Variants in POLR2B observed in about 807,000 individuals in gnomAD.
POLR2B encodes the protein RNA polymerase II subunit B.
In POLR2B, 57 loss-of-function variants were observed where a neutral mutation model predicts 144.6. The observed-to-expected ratio is 0.39, with a 90% confidence interval of 0.32 to 0.49. The LOEUF (loss-of-function observed/expected upper bound fraction) is 0.49, where lower values mean the gene tolerates loss of function less well. POLR2B is among the 20% of genes least tolerant of loss of function. The pLI is 0.83. For synonymous variants in POLR2B, 442 were observed against 469.8 expected (o/e 0.94, Z 0.77); for missense variants, 595 against 1,467.4 (o/e 0.41, Z 9.71).
At position 57,011,053 on chromosome 4, in the gene POLR2B, A is replaced by T; in HGVS notation, c.1753A>T (p.Asn585Tyr). The T allele has an allele frequency of 6.2e-7, 1 of 1,613,996 alleles. No individual in the cohort carries two copies. Among genetic ancestry groups the T allele is most frequent in the South Asian group, 1.1e-5 (1 of 91,080 alleles). The part of the protein sequence containing the change: ...GIHKDPEQLM[N>Y]TLRKLRRQMD... Reference sequence around the variant, plus strand: ...ACATAAAGATCCCGAACAACTTATGAACACCCTAAGGAAATTGAGACGTCA... The same window carrying T: ...ACATAAAGATCCCGAACAACTTATGTACACCCTAAGGAAATTGAGACGTCA... Residue 585 changes from asparagine (N) to tyrosine (Y), a missense_variant, in exon 13 of 25, where the codon AAC becomes TAC. Asn to Tyr is a moderately radical substitution (Grantham distance 143). This residue lies in a region of POLR2B where 29 missense variants were observed against 69.3 expected (regional missense o/e 0.42). Coordinates refer to ENST00000314595, the MANE Select transcript of POLR2B (RefSeq NM_000938.3).
Position 57,015,504 on chromosome 4 carries a change from T to G in POLR2B, c.1803T>G (p.Val601=). 1 of 1,363,880 alleles carries G rather than the reference T, an allele frequency of 7.3e-7. No individual in the cohort carries two copies. The highest frequency in any genetic ancestry group is 9.6e-7 in the Non-Finnish European group (1 of 1,039,504). The allele number at this position is 1,363,880 out of a possible 1,614,324, so 84.5% of individuals were successfully genotyped here. ...CTGTTTTTTCTTTTTATATGTAGGT[T>G]TCTATGATCAGAGATATTCGAGAGA... ...RRQMDIIVSE[V]SMIRDIRERE... Residue 601 remains valine (V), a splice_region_variant and synonymous_variant, in exon 14 of 25, where the codon GTT becomes GTG. Transcript: ENST00000314595.
chr4:56,990,090 A>G (rs1022778085), intron 2 of POLR2B, among the ~76,000 whole-genome samples: 2 of 152,206 alleles, frequency 1.3e-5, no homozygotes, highest in Non-Finnish European at 2.9e-5. Flanking sequence ...TATTTTAGTC[A>G]TTAATATCAC....
chr4:57,008,784 T>C (rs1183272279), intron 10 of POLR2B, among the ~76,000 whole-genome samples: 2 of 152,170 alleles, frequency 1.3e-5, no homozygotes, highest in Non-Finnish European at 2.9e-5. Context: ...AACGCCCAAG[T>C]TGCGAGGTAG....
chr4:57,027,017 C>CA (rs1553912516), intron 23 of POLR2B, among the ~76,000 whole-genome samples: 1 of 150,258 alleles, frequency 6.7e-6, no homozygotes, highest in Non-Finnish European at 1.5e-5. Flanking sequence ...AATATTTTGG[C>CA]TTTTTTTTTG....
chr4:56,981,319 G>A (rs564087904), intron 1 of POLR2B, among the ~76,000 whole-genome samples: 2 of 151,000 alleles, frequency 1.3e-5, no homozygotes, highest in South Asian at 4.2e-4. Flanking sequence ...GTAGTCTCTT[G>A]ATGGATATTC....
Position 56,978,928 on chromosome 4 carries a change from C to T in POLR2B, c.-58C>T. ...CTTTAGCTCCTGGCGCTGCTGGCTT[C>T]TGGGCGGTTTTTGTCTTTTGATTTC... On this transcript the variant is annotated 5_prime_UTR_variant, in exon 1 of 25. Transcript: ENST00000314595. The T allele has an allele frequency of 4.5e-6, 7 of 1,562,874 alleles. No individual in the cohort carries two copies. The South Asian group carries it at 6.7e-5, about 15-fold the overall frequency.
intron 7 of POLR2B, 71 bp downstream of exon 7, chr4:56,999,852 A>G: frequency 1.9e-6 from 2 of 1,069,182 alleles, no homozygotes; most frequent in Non-Finnish European, 2.8e-6. Flanking sequence ...TGCTAACCTT[A>G]AAACATAGTA....
intron 13 of POLR2B, among the ~76,000 whole-genome samples, chr4:57,014,492 GTCTTTTTTTT>G (rs1723302151): frequency 6.8e-6 from 1 of 146,506 alleles, no homozygotes; most frequent in Admixed American, 6.9e-5. Context: ...ACCGTGCCTG[GTCTTTTTTTT>G]TCTTTTTTTT....
intron 14 of POLR2B, among the ~76,000 whole-genome samples, chr4:57,016,618 TATGA>T (rs1723375571): frequency 6.8e-6 from 1 of 146,208 alleles, no homozygotes; most frequent in Non-Finnish European, 1.5e-5. Flanking sequence ...ATGACAATAA[TATGA>T]ATAATATAAT....
chr4:57,019,552 C>T lies in POLR2B; in HGVS notation c.2324-1347C>T, dbSNP rs572231795. ...CTTTTAACATTTTACCACATTTGCTCTATTATTCTCTCCCTTTTTATTTCT... is the reference window on the plus strand; with the variant it reads ...CTTTTAACATTTTACCACATTTGCTTTATTATTCTCTCCCTTTTTATTTCT... On this transcript the variant is annotated intron_variant, in intron 16 of 24. Transcript: ENST00000314595. Among the ~76,000 whole-genome samples, 6 of 152,214 alleles carry T rather than the reference C, an allele frequency of 3.9e-5. No homozygotes were observed. The South Asian group carries it at 1.0e-3, about 26-fold the overall frequency.
chr4:57,001,212 C>G (rs1722842988), intron 7 of POLR2B, among the ~76,000 whole-genome samples: 1 of 151,780 alleles, frequency 6.6e-6, no homozygotes, highest in African/African-American at 2.4e-5. Flanking sequence ...CTTTGTCGCC[C>G]AGGCTGGAGT....
At chr4:56,998,285 C>A (rs1388670068) in intron 6 of POLR2B, among the ~76,000 whole-genome samples, 1 of 151,346 alleles carries the variant, frequency 6.6e-6, no homozygotes, top group Non-Finnish European at 1.5e-5. Flanking sequence ...GCAACATCTG[C>A]CTCCTGGGTT....
At chr4:57,011,823 A>G (rs1188006217) in intron 13 of POLR2B, among the ~76,000 whole-genome samples, 1 of 151,028 alleles carries the variant, frequency 6.6e-6, no homozygotes, top group African/African-American at 2.5e-5. Flanking sequence ...CTCCATCTCA[A>G]AAAAAGAAGT....
At chr4:57,010,254 A>G in intron 10 of POLR2B, 107 bp from the exon 11 acceptor site, 1 of 950,320 alleles carries the variant, frequency 1.1e-6, no homozygotes, top group Non-Finnish European at 1.6e-6. Context: ...GAAATGGGGA[A>G]CAGTTTGATA....
Position 57,023,145 on chromosome 4 carries a change from T to C in POLR2B, c.2516-185T>C, listed in dbSNP as rs1489230915. ...CAATGTTCTTTTCCTTCATAGACTT[T>C]TTTTTTTGTTTTCTGTGTGGGCTGT... is the stretch of plus-strand genomic sequence containing the variant. On this transcript the variant is annotated intron_variant, in intron 18 of 24. Coordinates refer to ENST00000314595, the MANE Select transcript of POLR2B (RefSeq NM_000938.3). This position sits in a 1 kb window ranked among gnomAD's most constrained non-coding sequence, Gnocchi z 4.3. The C allele has an allele frequency of 3.7e-6, 2 of 535,262 alleles. No individual in the cohort carries two copies. The highest frequency in any genetic ancestry group is 6.5e-6 in the Non-Finnish European group (2 of 308,686). The allele number at this position is 535,262 out of a possible 1,614,324, so 33.2% of individuals were successfully genotyped here. A position where few individuals can be genotyped will look rare whatever the true frequency, so the allele number is the denominator to read the frequency against.
At chr4:56,981,188 C>G (rs1722146775) in intron 1 of POLR2B, among the ~76,000 whole-genome samples, 1 of 152,120 alleles carries the variant, frequency 6.6e-6, no homozygotes, top group African/African-American at 2.4e-5. Context: ...CTTTTCTCCA[C>G]TTTTAGATTT....
At chr4:57,025,042 T>C (rs767745665) in intron 22 of POLR2B, 43 bp downstream of exon 22, 63 of 940,534 alleles carry the variant, frequency 6.7e-5, no homozygotes, top group Admixed American at 1.2e-4. Context: ...TTGTTTTTTT[T>C]TGTATGTGTG....
intron 1 of POLR2B, chr4:56,985,340 CGGTAGCCGCGAGGGACCGGT>C (rs931513232): frequency 4.6e-5 from 45 of 985,486 alleles, no homozygotes; most frequent in South Asian, 2.3e-4. Context: ...ATTCCGTGCC[CGGTAGCCGCGAGGGACCGGT>C]GGTAGCCGCG....
intron 2 of POLR2B, among the ~76,000 whole-genome samples, chr4:56,989,159 G>A (rs1221190564): frequency 6.6e-6 from 1 of 152,114 alleles, no homozygotes; most frequent in African/African-American, 2.4e-5. Context: ...TATTTATATA[G>A]TTTAGGTGTT....
Sources: gnomAD v4.1 joint callset for allele counts (sites outside exome capture counted in the v4.1 genomes callset) on GRCh38, gnomAD v4.1.1 for gene constraint, gnomAD v4.1.1 regional missense constraint, Gnocchi (gnomAD v3.1) non-coding constraint, MANE v1.5 for transcripts, NCBI Gene and HGNC (gene_info 2026-07-23, HGNC 2026-07-21) for gene names.